Variants in ECPAS observed in about 807,000 individuals in gnomAD.
ECPAS encodes the protein Ecm29 proteasome adaptor and scaffold.
In ECPAS, 70 loss-of-function variants were observed where a neutral mutation model predicts 255.1. That is an observed-to-expected ratio of 0.27 (90% CI 0.23 to 0.33). The LOEUF is 0.33. ECPAS is among the 10% of genes least tolerant of loss of function. The pLI is 1.00. For synonymous variants in ECPAS, 784 were observed against 775.0 expected (o/e 1.01, Z -0.19); for missense variants, 1,817 against 2,206.4 (o/e 0.82, Z 3.54).
chr9:111,460,821 T>C (rs988575898), intron 2 of ECPAS, among the ~76,000 whole-genome samples: 2 of 152,136 alleles, frequency 1.3e-5, no homozygotes, highest in Admixed American at 1.3e-4. Context: ...ATTCACAGAT[T>C]AGAAAATATT....
chr9:111,385,541 C>A, intron 32 of ECPAS, 99 bp from the exon 33 acceptor site: 1 of 732,084 alleles, frequency 1.4e-6, no homozygotes, highest in Non-Finnish European at 2.3e-6. Context: ...GCCTCTAATT[C>A]GAGTTCTCAT....
intron 2 of ECPAS, among the ~76,000 whole-genome samples, chr9:111,470,556 C>T (rs1589237226): frequency 6.6e-6 from 1 of 152,116 alleles, no homozygotes; most frequent in East Asian, 1.9e-4. Flanking sequence ...GTGATCCGCC[C>T]GCCTCGGCCT....
At chr9:111,470,746 C>CCACACACACACACACACACA (rs57091815) in intron 2 of ECPAS, among the ~76,000 whole-genome samples, 13 of 124,582 alleles carry the variant, frequency 1.0e-4, no homozygotes, top group East Asian at 4.7e-4. Flanking sequence ...TCTCCTCCCG[C>CCACACACACACACACACACA]CACACACACA....
At chr9:111,369,745 G>C (rs563480672) in intron 45 of ECPAS, among the ~76,000 whole-genome samples, 16 of 150,876 alleles carry the variant, frequency 1.1e-4, no homozygotes, top group Non-Finnish European at 1.8e-4. Context: ...TTTTTTTTGG[G>C]GGGGGGACCA....
chr9:111,440,478 G>C lies in ECPAS; in HGVS notation c.433C>G (p.Pro145Ala). Residue 145 changes from proline (P) to alanine (A), a missense_variant, in exon 6 of 50, where the codon CCT becomes GCT. Pro to Ala is a conservative substitution (Grantham distance 27, BLOSUM62 -1). Transcript: ENST00000684092. ...LIPTLFHMKY[P>A]VESSKSASPF... Reference sequence around the variant, plus strand: ...GAAGCTGATTTTGATGATTCAACAGGGTATTTCATGTGAAAAAGGGTTGGT... The same window carrying C: ...GAAGCTGATTTTGATGATTCAACAGCGTATTTCATGTGAAAAAGGGTTGGT... The C allele has an allele frequency of 1.9e-6, 3 of 1,611,022 alleles. No individual in the cohort carries two copies. Among genetic ancestry groups the C allele is most frequent in the Non-Finnish European group, 2.5e-6 (3 of 1,178,072 alleles).
Position 111,362,177 on chromosome 9 carries a change from A to T in ECPAS, c.5381-8T>A. 3 of 505,654 alleles carry T rather than the reference A, an allele frequency of 5.9e-6. No homozygotes were observed. Among genetic ancestry groups the T allele is most frequent in the Non-Finnish European group, 8.0e-6 (3 of 376,810 alleles). The allele number at this position is 505,654 out of a possible 1,614,324, so 31.3% of individuals were successfully genotyped here. A position where few individuals can be genotyped will look rare whatever the true frequency, so the allele number is the denominator to read the frequency against. On this transcript the variant is annotated splice_polypyrimidine_tract_variant and splice_region_variant and intron_variant, in intron 49 of 49. Transcript: ENST00000684092. Reference sequence around the variant, plus strand: ...ATTCCCACTGTTTAGATTCTGCATGAAAAAAAAAAAACAAAAACAAAAAAA... The same window carrying T: ...ATTCCCACTGTTTAGATTCTGCATGTAAAAAAAAAAACAAAAACAAAAAAA...
chr9:111,367,529 GTTAA>G (rs1395041467), intron 46 of ECPAS, among the ~76,000 whole-genome samples: 1 of 152,092 alleles, frequency 6.6e-6, no homozygotes, highest in Non-Finnish European at 1.5e-5. Context: ...TCAAGGAAAA[GTTAA>G]TACTCTTTAT....
chr9:111,430,765 TAGAAG>T, intron 8 of ECPAS, 137 bp from the exon 9 acceptor site: 1 of 672,206 alleles, frequency 1.5e-6, no homozygotes, highest in Non-Finnish European at 2.6e-6. Context: ...ATTGACATTG[TAGAAG>T]AGAAGGAAAA....
intron 26 of ECPAS, 89 bp downstream of exon 26, chr9:111,394,071 T>G: frequency 8.1e-7 from 1 of 1,238,468 alleles, no homozygotes; most frequent in Non-Finnish European, 1.1e-6. Flanking sequence ...TACCTACTAT[T>G]GGTTAATGAC....
At chr9:111,433,126 C>T (rs928502341) in intron 8 of ECPAS, 107 bp downstream of exon 8, 1 of 1,126,506 alleles carries the variant, frequency 8.9e-7, no homozygotes, top group Non-Finnish European at 1.3e-6. Context: ...ATAATCTCCT[C>T]TAAGTTGAAT....
At chr9:111,439,914 A>C (rs1196014898) in intron 6 of ECPAS, among the ~76,000 whole-genome samples, 2 of 152,154 alleles carry the variant, frequency 1.3e-5, no homozygotes, top group Non-Finnish European at 2.9e-5. Context: ...AGAAGGAAGG[A>C]GGCATTATGC....
At chr9:111,464,719 A>C (rs1407162075) in intron 2 of ECPAS, among the ~76,000 whole-genome samples, 2 of 152,200 alleles carry the variant, frequency 1.3e-5, no homozygotes, top group Non-Finnish European at 2.9e-5. Context: ...AAGTTTTTAA[A>C]CACAAAACAT....
rs554406804 is a variant in ECPAS, at chr9:111,458,680, G to A, written c.23-7125C>T. On this transcript the variant is annotated intron_variant, in intron 2 of 49. Transcript: ENST00000684092. ...GGGTGTTAGAAATTGAGTCACATGGGCAATGATCCAATCAATCAATCACAC... is the reference window on the plus strand; with the variant it reads ...GGGTGTTAGAAATTGAGTCACATGGACAATGATCCAATCAATCAATCACAC... Among the ~76,000 whole-genome samples the A allele has an allele frequency of 5.3e-5, 8 of 152,144 alleles. No individual in the cohort carries two copies. In the South Asian group the frequency reaches 1.0e-3, roughly 20 times the overall value.
intron 6 of ECPAS, 104 bp downstream of exon 6, chr9:111,440,268 G>A: frequency 2.1e-6 from 2 of 966,826 alleles, no homozygotes; most frequent in Non-Finnish European, 2.9e-6. Context: ...AATGGATGTT[G>A]AGATGCATTC....
intron 45 of ECPAS, 80 bp from the exon 46 acceptor site, chr9:111,369,253 C>CA (rs1302493693): frequency 1.9e-6 from 2 of 1,067,240 alleles, no homozygotes; most frequent in Non-Finnish European, 2.5e-6. Flanking sequence ...ATCAGGGTAC[C>CA]AACCAAGGCA....
At chr9:111,479,779 G>A (rs1215883652) in intron 1 of ECPAS, among the ~76,000 whole-genome samples, 1 of 152,086 alleles carries the variant, frequency 6.6e-6, no homozygotes, top group East Asian at 1.9e-4. Context: ...AGGAGTTCAA[G>A]ACCAACCTGG....
chr9:111,372,330 G>T, intron 42 of ECPAS, 99 bp downstream of exon 42: 1 of 1,131,010 alleles, frequency 8.8e-7, no homozygotes, highest in Non-Finnish European at 1.3e-6. Flanking sequence ...TAAGGTCCTG[G>T]GAAAGTAACT....
At chr9:111,483,358 C>G (rs2098309735) in intron 1 of ECPAS, 1 of 203,194 alleles carries the variant, frequency 4.9e-6, no homozygotes, top group Non-Finnish European at 8.6e-6. Context: ...GCCCGTCCGC[C>G]AGGCCCGGGC....
At chr9:111,480,941 A>T (rs2098303967) in intron 1 of ECPAS, among the ~76,000 whole-genome samples, 1 of 152,228 alleles carries the variant, frequency 6.6e-6, no homozygotes, top group Non-Finnish European at 1.5e-5. Context: ...ATAGACACAA[A>T]TACTTCAGCC....
Sources: gnomAD v4.1 joint callset for allele counts (sites outside exome capture counted in the v4.1 genomes callset) on GRCh38, gnomAD v4.1.1 for gene constraint, MANE v1.5 for transcripts, NCBI Gene and HGNC (gene_info 2026-07-23, HGNC 2026-07-21) for gene names.